PRKCB: variants seen among roughly 807,000 people sequenced by gnomAD.
PRKCB encodes protein kinase C beta type.
A neutral mutation model predicts 81.5 loss-of-function variants in PRKCB; 13 were observed. The ratio of observed to expected loss-of-function variants is 0.16; its 90% confidence interval spans 0.10 to 0.25. The LOEUF (loss-of-function observed/expected upper bound fraction) is 0.25. Ranked by LOEUF, PRKCB falls within the 10% of genes least tolerant of loss-of-function variation. The pLI, the probability that PRKCB is intolerant of heterozygous loss-of-function variation, is 1.00. For missense variants in PRKCB, 509 were observed against 875.7 expected (o/e 0.58, Z 5.29); for synonymous variants, 335 against 321.4 (o/e 1.04, Z -0.45).
At chr16:24,045,156 C>G (rs1021038568) in intron 5 of PRKCB, among the ~76,000 whole-genome samples, 1 of 151,584 alleles carries the variant, frequency 6.6e-6, no homozygotes, top group Admixed American at 6.6e-5. Flanking sequence ...GAAAAATGAA[C>G]AGAAATAAAT....
chr16:23,903,688 C>T (rs1597237666), intron 2 of PRKCB, among the ~76,000 whole-genome samples: 1 of 152,158 alleles, frequency 6.6e-6, no homozygotes, highest in African/African-American at 2.4e-5. Flanking sequence ...GAAACTGAAA[C>T]TCTTTCCACC....
At chr16:24,009,517 C>T (rs1368217468) in intron 3 of PRKCB, among the ~76,000 whole-genome samples, 1 of 151,110 alleles carries the variant, frequency 6.6e-6, no homozygotes, top group East Asian at 2.0e-4. Flanking sequence ...CTCCACCTCC[C>T]GGGTTCAAGT....
At chr16:24,058,421 A>G (rs993302588) in intron 5 of PRKCB, among the ~76,000 whole-genome samples, 1 of 145,206 alleles carries the variant, frequency 6.9e-6, no homozygotes, top group Non-Finnish European at 1.5e-5. Flanking sequence ...TAAATAGGTT[A>G]AAAAAAAAAA....
chr16:24,001,510 T>C (rs1049468766), intron 3 of PRKCB, among the ~76,000 whole-genome samples: 3 of 152,232 alleles, frequency 2.0e-5, no homozygotes, highest in Non-Finnish European at 4.4e-5. Flanking sequence ...AATGTATGTA[T>C]ACATTAAAGT....
intron 9 of PRKCB, among the ~76,000 whole-genome samples, chr16:24,124,496 C>T (rs769875677): frequency 1.5e-4 from 23 of 152,116 alleles, no homozygotes; most frequent in South Asian, 4.1e-4. Context: ...GTGACACGAT[C>T]GGATTTGCCT....
chr16:23,842,751 A>G (rs567172217), intron 2 of PRKCB, among the ~76,000 whole-genome samples: 6 of 152,336 alleles, frequency 3.9e-5, no homozygotes, highest in African/African-American at 1.2e-4. Context: ...AAAAAACCCC[A>G]AAGTCTGACA....
In PRKCB at chr16:24,011,960, A is replaced by C. The variant is rs995413848; in HGVS notation, c.289-20176A>C. On this transcript the variant is annotated intron_variant, in intron 3 of 16. Coordinates refer to ENST00000643927, the MANE Select transcript of PRKCB (RefSeq NM_002738.7). ...AATGTTTGCTTGACCCAGAGGCCTG[A>C]ACCTGCTTTGCCTTCAGTGTTGGTC... Among the ~76,000 whole-genome samples the C allele has an allele frequency of 5.3e-5, 8 of 152,218 alleles. No individual in the cohort carries two copies. The East Asian group carries it at 1.5e-3, about 29-fold the overall frequency.
chr16:24,105,328 G>A (rs1234194914), intron 7 of PRKCB, among the ~76,000 whole-genome samples: 1 of 151,902 alleles, frequency 6.6e-6, no homozygotes, highest in African/African-American at 2.4e-5. Context: ...GTGGTGCTGG[G>A]GTTACAGGCG....
chr16:23,904,303 AG>A (rs1160566427), intron 2 of PRKCB, among the ~76,000 whole-genome samples: 1 of 152,162 alleles, frequency 6.6e-6, no homozygotes, highest in African/African-American at 2.4e-5. Flanking sequence ...TAGGTGCAAG[AG>A]GGGTGATAAT....
At position 23,837,420 on chromosome 16, in the gene PRKCB, C is replaced by A; in HGVS notation, c.205+14C>A. On this transcript the variant is annotated intron_variant, in intron 2 of 16. Coordinates refer to ENST00000643927, the MANE Select transcript of PRKCB (RefSeq NM_002738.7). The stretch of plus-strand genomic sequence containing the variant: ...TCCAGTGCCAAGGTAGGCTCTGGGG[C>A]TTTGGGGATGCTATTTGTGGGAAGA... 6.2e-7 allele frequency: 1 copy of A among 1,605,560 alleles called. No individual in the cohort carries two copies. The highest frequency in any genetic ancestry group is 8.5e-7 in the Non-Finnish European group (1 of 1,177,406).
intron 7 of PRKCB, among the ~76,000 whole-genome samples, chr16:24,096,553 A>G (rs1020102359): frequency 5.3e-5 from 8 of 151,218 alleles, no homozygotes; most frequent in Non-Finnish European, 1.2e-4. Context: ...GTCCTTAGCA[A>G]GTCTGGCCAC....
intron 2 of PRKCB, among the ~76,000 whole-genome samples, chr16:23,885,425 C>T (rs574485555): frequency 9.9e-5 from 15 of 152,190 alleles, no homozygotes; most frequent in Non-Finnish European, 1.8e-4. Flanking sequence ...TCTCCTGCCT[C>T]AGCCTCCCGA....
intron 3 of PRKCB, among the ~76,000 whole-genome samples, chr16:24,006,923 G>T (rs1596508259): frequency 1.3e-5 from 2 of 152,182 alleles, no homozygotes; most frequent in Admixed American, 1.3e-4. Context: ...ATTGCAGATT[G>T]CAGAGAGATT....
chr16:24,050,270 G>A (rs1965824179), intron 5 of PRKCB, among the ~76,000 whole-genome samples: 1 of 152,082 alleles, frequency 6.6e-6, no homozygotes, highest in Admixed American at 6.6e-5. Flanking sequence ...TGATAGGGCC[G>A]AGTATGCCAT....
At chr16:24,031,537 A>G (rs1965551494) in intron 3 of PRKCB, among the ~76,000 whole-genome samples, 1 of 152,234 alleles carries the variant, frequency 6.6e-6, no homozygotes, top group African/African-American at 2.4e-5. Context: ...CTCTATCTGG[A>G]TAGCCATGCT....
At chr16:24,191,654 A>T (rs928477678) in intron 16 of PRKCB, 1 of 155,204 alleles carries the variant, frequency 6.4e-6, no homozygotes, top group African/African-American at 2.4e-5. Flanking sequence ...TCTCAACAGT[A>T]TTTAAATTTA....
intron 2 of PRKCB, among the ~76,000 whole-genome samples, chr16:23,899,220 T>G (rs1308182634): frequency 6.6e-6 from 1 of 152,234 alleles, no homozygotes; most frequent in African/African-American, 2.4e-5. Flanking sequence ...CAGCCACAGC[T>G]TGGCTTTCAG....
At chr16:24,080,419 C>A (rs1306655435) in intron 5 of PRKCB, among the ~76,000 whole-genome samples, 1 of 152,076 alleles carries the variant, frequency 6.6e-6, no homozygotes, top group African/African-American at 2.4e-5. Flanking sequence ...AGGGAGGAGA[C>A]CAGAATGATT....
intron 11 of PRKCB, 50 bp from the exon 12 acceptor site, chr16:24,174,468 T>C (rs1467542857): frequency 2.0e-6 from 3 of 1,519,122 alleles, no homozygotes; most frequent in Non-Finnish European, 1.8e-6. Context: ...TTGCCAAGCA[T>C]ATGGTGTCCT....
Sources: gnomAD v4.1 joint callset for allele counts (sites outside exome capture counted in the v4.1 genomes callset) on GRCh38, gnomAD v4.1.1 for gene constraint, MANE v1.5 for transcripts, NCBI Gene and HGNC (gene_info 2026-07-23, HGNC 2026-07-21) for gene names.